Variants in GPC5 observed in about 807,000 individuals in gnomAD.
GPC5 encodes the protein glypican-5.
A neutral mutation model predicts 53.9 loss-of-function variants in GPC5; 47 were observed. That is an observed-to-expected ratio of 0.87 (90% CI 0.69 to 1.11). GPC5 has a LOEUF of 1.11. Ranked by LOEUF, GPC5 falls within the 50% of genes most tolerant of loss-of-function variation. The pLI, the probability that GPC5 is intolerant of heterozygous loss-of-function variation, is 0.00. For synonymous variants in GPC5, 286 were observed against 263.3 expected (o/e 1.09, Z -0.84); for missense variants, 748 against 713.1 (o/e 1.05, Z -0.56).
At chr13:92,213,299 A>C (rs771186089) in intron 7 of GPC5, among the ~76,000 whole-genome samples, 1 of 152,192 alleles carries the variant, frequency 6.6e-6, no homozygotes, top group Non-Finnish European at 1.5e-5. Flanking sequence ...CGGAGCTTAC[A>C]AATCATTTTT....
intron 2 of GPC5, among the ~76,000 whole-genome samples, chr13:91,663,937 G>A (rs2035044820): frequency 6.6e-6 from 1 of 152,138 alleles, no homozygotes; most frequent in Non-Finnish European, 1.5e-5. Context: ...TCAGCCTCCT[G>A]AGTATCTGGG....
intron 7 of GPC5, among the ~76,000 whole-genome samples, chr13:92,650,513 T>G (rs1885922703): frequency 6.6e-6 from 1 of 152,156 alleles, no homozygotes; most frequent in Non-Finnish European, 1.5e-5. Context: ...ATACTAGTAC[T>G]AAGGCATCAA....
chr13:92,695,533 T>A (rs1223499658), intron 7 of GPC5, among the ~76,000 whole-genome samples: 2 of 152,114 alleles, frequency 1.3e-5, no homozygotes, highest in East Asian at 3.9e-4. Context: ...TCTTGTGAAA[T>A]TTGCCAAGCT....
chr13:92,314,422 G>A (rs2043165139), intron 7 of GPC5, among the ~76,000 whole-genome samples: 1 of 152,260 alleles, frequency 6.6e-6, no homozygotes, highest in Admixed American at 6.5e-5. Context: ...TGAGAGAAAC[G>A]GTGTTAAATG....
intron 7 of GPC5, among the ~76,000 whole-genome samples, chr13:92,547,892 C>A (rs1160991412): frequency 7.2e-6 from 1 of 138,292 alleles, no homozygotes; most frequent in African/African-American, 2.8e-5. Context: ...TGCAGTGGCG[C>A]GATCTCGGCT....
chr13:92,135,012 G>T (rs1168717690), intron 6 of GPC5, among the ~76,000 whole-genome samples: 2 of 151,982 alleles, frequency 1.3e-5, no homozygotes, highest in Admixed American at 6.6e-5. Context: ...CATGTTAGAG[G>T]CAATTAATTT....
At chr13:92,357,706 G>C (rs1287524984) in intron 7 of GPC5, among the ~76,000 whole-genome samples, 1 of 151,572 alleles carries the variant, frequency 6.6e-6, no homozygotes, top group Admixed American at 6.5e-5. Context: ...GAAGAGGAAG[G>C]AGGCACATGG....
chr13:92,834,794 A>G (rs974135234), intron 7 of GPC5, among the ~76,000 whole-genome samples: 5 of 152,142 alleles, frequency 3.3e-5, no homozygotes, highest in African/African-American at 9.7e-5. Context: ...TGAAGTGACT[A>G]TACTGCTGAT....
At chr13:92,178,107 G>A (rs767021709) in intron 7 of GPC5, among the ~76,000 whole-genome samples, 15 of 152,200 alleles carry the variant, frequency 9.9e-5, no homozygotes, top group Non-Finnish European at 1.6e-4. Flanking sequence ...AATTTATTCC[G>A]AAGGGATGCC....
chr13:92,486,183 T>C (rs942706975), intron 7 of GPC5, among the ~76,000 whole-genome samples: 1 of 152,164 alleles, frequency 6.6e-6, no homozygotes, highest in Non-Finnish European at 1.5e-5. Context: ...CATCAAAACA[T>C]TTAATGCTGG....
intron 5 of GPC5, among the ~76,000 whole-genome samples, chr13:91,859,445 G>A (rs61967101): frequency 0.19 from 28,719 of 151,738 alleles, 3,015 homozygotes; most frequent in East Asian, 0.31. Context: ...TAGGCCAATA[G>A]ATTAGAAAAC....
intron 5 of GPC5, among the ~76,000 whole-genome samples, chr13:91,903,399 C>T (rs2039519402): frequency 6.6e-6 from 1 of 151,956 alleles, no homozygotes; most frequent in Admixed American, 6.6e-5. Context: ...GGTATATGCC[C>T]AAGGTCATAG....
chr13:92,681,384 CT>C (rs1887106471), intron 7 of GPC5, among the ~76,000 whole-genome samples: 1 of 151,584 alleles, frequency 6.6e-6, no homozygotes, highest in Non-Finnish European at 1.5e-5. Flanking sequence ...ATCTCTCTTC[CT>C]CTGTCACCTT....
chr13:91,597,375 T>C (rs926075609), intron 2 of GPC5, among the ~76,000 whole-genome samples: 2 of 152,144 alleles, frequency 1.3e-5, no homozygotes, highest in African/African-American at 4.8e-5. Context: ...TTACTTGTAA[T>C]TTGCAAATCT....
intron 7 of GPC5, among the ~76,000 whole-genome samples, chr13:92,583,874 T>A (rs928244205): frequency 2.6e-5 from 4 of 152,024 alleles, no homozygotes; most frequent in African/African-American, 9.7e-5. Context: ...TCTCACAGGA[T>A]CTGATGGTCA....
intron 5 of GPC5, among the ~76,000 whole-genome samples, chr13:91,806,040 T>A (rs1475496416): frequency 7.3e-6 from 1 of 137,244 alleles, no homozygotes; most frequent in Non-Finnish European, 1.6e-5. Flanking sequence ...TTTTTTTTTT[T>A]TTTTTTTTTT....
At chr13:92,243,516 A>G (rs574782799) in intron 7 of GPC5, among the ~76,000 whole-genome samples, 5 of 152,282 alleles carry the variant, frequency 3.3e-5, no homozygotes, top group African/African-American at 9.6e-5. Context: ...ACTAGATATG[A>G]GACTCATCTT....
At chr13:92,073,168 C>A (rs993342643) in intron 6 of GPC5, among the ~76,000 whole-genome samples, 9 of 151,984 alleles carry the variant, frequency 5.9e-5, no homozygotes, top group African/African-American at 2.2e-4. Flanking sequence ...TTTCATATTT[C>A]TTGTGTTAAA....
At chr13:91,863,290 A>G (rs939671144) in intron 5 of GPC5, among the ~76,000 whole-genome samples, 6 of 152,080 alleles carry the variant, frequency 3.9e-5, no homozygotes, top group Admixed American at 1.3e-4. Flanking sequence ...TCATGGTTGT[A>G]AATACTTGGC....
Sources: allele counts gnomAD v4.1 joint callset (sites outside exome capture counted in the v4.1 genomes callset), GRCh38; gene constraint gnomAD v4.1.1; transcripts MANE v1.5; gene names NCBI Gene and HGNC (gene_info 2026-07-23, HGNC 2026-07-21).